HMGCS1: variants seen among roughly 807,000 people sequenced by gnomAD.
The protein encoded by HMGCS1 is 3-hydroxy-3-methylglutaryl-CoA synthase 1.
In HMGCS1, 9 loss-of-function variants were observed where a neutral mutation model predicts 52.3. The ratio of observed to expected loss-of-function variants is 0.17; its 90% CI spans 0.10 to 0.30. The LOEUF (loss-of-function observed/expected upper bound fraction) is 0.30. Ranked by LOEUF, HMGCS1 falls within the 10% of genes least tolerant of loss-of-function variation. The pLI, the probability that HMGCS1 is intolerant of heterozygous loss-of-function variation, is 1.00. For missense variants in HMGCS1, 320 were observed against 620.9 expected, an observed-to-expected ratio of 0.52 and a Z score of 5.15; for synonymous variants, 176 against 214.4, an observed-to-expected ratio of 0.82 and a Z score of 1.57.
At chr5:43,291,624 T>A (rs145028328) in intron 10 of HMGCS1, among the ~76,000 whole-genome samples, 320 of 152,352 alleles carry the variant, frequency 2.1e-3, no homozygotes, top group African/African-American at 7.3e-3. Context: ...GTCCTTAGTT[T>A]ATAACCTGGC....
At position 43,295,902 on chromosome 5, in the gene HMGCS1, T is replaced by A; in HGVS notation, c.755A>T (p.Asp252Val). The change falls in exon 6 of 11, where the codon GAT becomes GTT. Residue 252 changes from aspartate to valine, a missense_variant. Coordinates refer to ENST00000325110, the MANE Select transcript of HMGCS1 (RefSeq NM_001098272.3). ...GAAGCCAAAATCATTCAAGGTAAAA[T>A]CTTTATCATTTCCCTCTGAAAGAGA... is the stretch of plus-strand genomic sequence containing the variant. Reference protein sequence around the residue: ...AQWQKEGNDKDFTLNDFGFMI... With the variant: ...AQWQKEGNDKVFTLNDFGFMI... The A allele has an allele frequency of 6.2e-7, 1 of 1,611,290 alleles. No homozygotes were observed. The highest frequency in any genetic ancestry group is 8.5e-7 in the Non-Finnish European group (1 of 1,178,048).
At chr5:43,312,344 G>C (rs1023243033) in intron 1 of HMGCS1, among the ~76,000 whole-genome samples, 3 of 152,218 alleles carry the variant, frequency 2.0e-5, no homozygotes, top group Non-Finnish European at 4.4e-5. Context: ...AAGGTGGGGA[G>C]CTGCAGCAGA....
At position 43,294,077 on chromosome 5, in the gene HMGCS1, C is replaced by T; in HGVS notation, c.1162G>A (p.Val388Ile). 1 of 1,608,996 alleles carries T rather than the reference C, an allele frequency of 6.2e-7. No individual in the cohort carries two copies. The highest frequency in any genetic ancestry group is 1.1e-5 in the South Asian group (1 of 90,966). Residue 388 changes from valine to isoleucine, a missense_variant, in exon 8 of 11, where the codon GTC becomes ATC. Around this residue, in one of 3 missense-constraint regions of HMGCS1, gnomAD observed 213 missense variants for 337.4 expected, o/e 0.63. Transcript: ENST00000325110. The part of the protein sequence containing the change: ...GLAATLYSLK[V>I]TQDATPGSAL... ...TTACCCGGTGTAGCATCTTGTGTGA[C>T]TTTAAGAGAGTACAGAGTGGCAGCC...
At chr5:43,303,457 G>A (rs1290071869) in intron 2 of HMGCS1, among the ~76,000 whole-genome samples, 6 of 152,214 alleles carry the variant, frequency 3.9e-5, no homozygotes, top group East Asian at 1.9e-4. Flanking sequence ...AACCAACCAC[G>A]CTGGCACCCT....
At chr5:43,303,565 C>G (rs2111709034) in intron 2 of HMGCS1, among the ~76,000 whole-genome samples, 1 of 152,310 alleles carries the variant, frequency 6.6e-6, no homozygotes, top group African/African-American at 2.4e-5. Context: ...ATTAAATAGT[C>G]TGGTCACCTC....
chr5:43,292,271 G>A (rs1408743720), intron 10 of HMGCS1, among the ~76,000 whole-genome samples: 4 of 152,090 alleles, frequency 2.6e-5, no homozygotes, highest in Admixed American at 6.6e-5. Context: ...GATTACAGGC[G>A]TGAGCCACCG....
chr5:43,301,207 C>T (rs1754300332), intron 2 of HMGCS1, among the ~76,000 whole-genome samples: 1 of 152,088 alleles, frequency 6.6e-6, no homozygotes, highest in Admixed American at 6.5e-5. Flanking sequence ...TGAAGAAAGG[C>T]AAGCTACAAG....
chr5:43,300,371 C>G (rs1754251954), intron 2 of HMGCS1, among the ~76,000 whole-genome samples: 1 of 152,154 alleles, frequency 6.6e-6, no homozygotes, highest in African/African-American at 2.4e-5. Context: ...TTATGAGTTA[C>G]CTGGGCCGAA....
chr5:43,312,743 T>C (rs1408002502), intron 1 of HMGCS1, among the ~76,000 whole-genome samples: 1 of 152,082 alleles, frequency 6.6e-6, no homozygotes, highest in East Asian at 1.9e-4. Context: ...ATCTATGAGA[T>C]TTGAAGCAAG....
At chr5:43,294,456 A>T (rs865949407) in intron 7 of HMGCS1, 5 of 495,184 alleles carry the variant, frequency 1.0e-5, no homozygotes, top group South Asian at 3.3e-5. Flanking sequence ...GTCAAGAATT[A>T]AAAAACCATG....
At chr5:43,301,024 G>A (rs1003256806) in intron 2 of HMGCS1, among the ~76,000 whole-genome samples, 2 of 152,090 alleles carry the variant, frequency 1.3e-5, no homozygotes, top group African/African-American at 4.8e-5. Flanking sequence ...ACAACATTGA[G>A]AACCACATTA....
At chr5:43,303,039 T>C (rs987623520) in intron 2 of HMGCS1, among the ~76,000 whole-genome samples, 1 of 152,222 alleles carries the variant, frequency 6.6e-6, no homozygotes, top group Admixed American at 6.5e-5. Context: ...TGTCTAACTC[T>C]AAAAGAGCTC....
chr5:43,296,082 C>G (rs1345130750), intron 5 of HMGCS1, among the ~76,000 whole-genome samples, 165 bp from the exon 6 acceptor site: 1 of 152,128 alleles, frequency 6.6e-6, no homozygotes, highest in Non-Finnish European at 1.5e-5. Flanking sequence ...TAAAAAGACA[C>G]TCAAAGATGA....
rs964152474 is a variant in HMGCS1 at position 43,291,177 on chromosome 5, G to A, written c.1517C>T (p.Thr506Ile). Residue 506 changes from threonine (T) to isoleucine (I), a missense_variant, in exon 11 of 11, where the codon ACA (threonine) becomes ATA (isoleucine). By Grantham distance (89) the Thr-to-Ile change is moderately conservative. Around this residue, in one of 3 missense-constraint regions of HMGCS1, gnomAD observed 213 missense variants for 337.4 expected, o/e 0.63. Transcript: ENST00000325110. ...PAKKVPRLPA[T>I]AAEPEAAVIS... ...GACAGCTGCTTCAGGTTCTGCTGCT[G>A]TGGCAGGGAGTCTTGGTACTTTCTT... is the stretch of plus-strand genomic sequence containing the variant. 6.2e-7 allele frequency: 1 copy of A among 1,610,262 alleles called. No homozygotes were observed. The highest frequency in any genetic ancestry group is 8.5e-7 in the Non-Finnish European group (1 of 1,178,834).
In HMGCS1 at chr5:43,291,770, C is replaced by T. The variant is rs577140183; in HGVS notation, c.1474-550G>A. ...TAAATAAGAAAACGTAAGTAAAGTG[C>T]CTAGCAGGTAACAGGAATTCAAATC... On this transcript the variant is annotated intron_variant, in intron 10 of 10. Transcript: ENST00000325110. Among the ~76,000 whole-genome samples, 3 of 152,098 alleles carry T rather than the reference C, an allele frequency of 2.0e-5. No individual in the cohort carries two copies. In the East Asian group the frequency reaches 5.8e-4, roughly 29 times the overall value.
intron 1 of HMGCS1, among the ~76,000 whole-genome samples, chr5:43,308,256 T>C (rs1335620251): frequency 2.0e-5 from 3 of 152,236 alleles, no homozygotes; most frequent in Non-Finnish European, 1.5e-5. Context: ...TAACAGATTG[T>C]GGCTTTGGCA....
At chr5:43,299,122 G>T in intron 2 of HMGCS1, 147 bp from the exon 3 acceptor site, 1 of 582,994 alleles carries the variant, frequency 1.7e-6, no homozygotes, top group Non-Finnish European at 3.0e-6. Context: ...ACTCAATTGT[G>T]TACATGTGAA....
At chr5:43,311,517 T>C in intron 1 of HMGCS1, among the ~76,000 whole-genome samples, 1 of 152,288 alleles carries the variant, frequency 6.6e-6, no homozygotes, top group East Asian at 1.9e-4. Flanking sequence ...GAGATTCTGA[T>C]ATGTAGCAAA....
chr5:43,306,383 G>C (rs190912372), intron 2 of HMGCS1, among the ~76,000 whole-genome samples: 151 of 152,302 alleles, frequency 9.9e-4, no homozygotes, highest in Non-Finnish European at 1.1e-3. Context: ...CTGTGTTGGG[G>C]AAGGACTTCA....
Sources: gnomAD v4.1 joint callset for allele counts (sites outside exome capture counted in the v4.1 genomes callset) on GRCh38, gnomAD v4.1.1 for gene constraint, gnomAD v4.1.1 regional missense constraint, MANE v1.5 for transcripts, NCBI Gene and HGNC (gene_info 2026-07-23, HGNC 2026-07-21) for gene names.